Variants in NRXN3 observed in about 807,000 individuals in gnomAD.
NRXN3 encodes neurexin III.
Under a neutral mutation model 137.6 loss-of-function variants are expected in NRXN3, and 32 were observed. The ratio of observed to expected loss-of-function variants is 0.23; its 90% CI spans 0.18 to 0.31. The LOEUF (loss-of-function observed/expected upper bound fraction) is 0.31, where lower values mean the gene tolerates loss of function less well. Among genes scored for constraint, NRXN3 ranks in the 10% least tolerant of loss-of-function variants. The pLI is 1.00. For synonymous variants in NRXN3, 798 were observed against 784.5 expected (o/e 1.02, Z -0.29); for missense variants, 1,574 against 2,062.5 (o/e 0.76, Z 4.59).
At chr14:78,709,909 A>G in intron 7 of NRXN3, 1 of 471,122 alleles carries the variant, frequency 2.1e-6, no homozygotes, top group Non-Finnish European at 3.8e-6. Flanking sequence ...GGAGCTAAGG[A>G]TGGTTTTACA....
intron 15 of NRXN3, among the ~76,000 whole-genome samples, chr14:79,287,923 C>G (rs960566894): frequency 6.6e-6 from 1 of 152,114 alleles, no homozygotes; most frequent in African/African-American, 2.4e-5. Context: ...GGAAAACTTT[C>G]CTTTTCATAT....
chr14:79,457,302 C>T (rs140330099), intron 15 of NRXN3, among the ~76,000 whole-genome samples: 1 of 152,212 alleles, frequency 6.6e-6, no homozygotes, highest in Non-Finnish European at 1.5e-5. Context: ...AACAAATAAA[C>T]TTGAGGCAGA....
chr14:79,623,019 T>C (rs908639575), intron 16 of NRXN3, among the ~76,000 whole-genome samples: 9 of 152,282 alleles, frequency 5.9e-5, no homozygotes, highest in Non-Finnish European at 1.3e-4. Flanking sequence ...TAAGTGATAT[T>C]GGCAAATACT....
chr14:78,225,978 T>TGTGTGTTG (rs2064558017), intron 1 of NRXN3, among the ~76,000 whole-genome samples: 2 of 123,916 alleles, frequency 1.6e-5, no homozygotes, highest in Admixed American at 7.9e-5. Context: ...TGTGTTGGTG[T>TGTGTGTTG]GTGTGTGTGT....
intron 4 of NRXN3, among the ~76,000 whole-genome samples, chr14:78,460,877 A>G (rs1453079052): frequency 6.6e-6 from 1 of 152,050 alleles, no homozygotes; most frequent in African/African-American, 2.4e-5. Context: ...AGGAGTACCC[A>G]TTCTGCCTGC....
At position 78,193,995 on chromosome 14, in the gene NRXN3, C is replaced by T. The variant is rs144584898; in HGVS notation, c.-704+23321C>T. ...GCTGGCTGCTAGGCTAACTCTCCCC[C>T]TCTGCATCTGGACTCTGGCCCATAG... On this transcript the variant is annotated intron_variant, in intron 1 of 20. Transcript: ENST00000335750. 6.0e-4 allele frequency among the ~76,000 whole-genome samples: 91 copies of T among 152,304 alleles called. 2 individuals carry two copies. In the East Asian group the frequency reaches 0.017, roughly 28 times the overall value.
intron 15 of NRXN3, among the ~76,000 whole-genome samples, chr14:79,455,843 A>T (rs1425667671): frequency 4.0e-5 from 6 of 151,846 alleles, no homozygotes; most frequent in Admixed American, 1.3e-4. Flanking sequence ...ATTATTTCAA[A>T]TATTATCGGG....
intron 20 of NRXN3, among the ~76,000 whole-genome samples, chr14:79,858,083 C>T (rs2141888754): frequency 6.6e-6 from 1 of 151,050 alleles, no homozygotes; most frequent in East Asian, 1.9e-4. Flanking sequence ...TTTAGAAGCT[C>T]TTTATAAATT....
At chr14:79,033,425 C>T (rs1002255272) in intron 15 of NRXN3, among the ~76,000 whole-genome samples, 1 of 152,080 alleles carries the variant, frequency 6.6e-6, no homozygotes, top group African/African-American at 2.4e-5. Flanking sequence ...GCTCATATTA[C>T]CAAATATCTG....
In NRXN3 at chr14:79,598,413, C is replaced by T. The variant is rs557489966; in HGVS notation, c.3445-65365C>T. 5.9e-5 allele frequency among the ~76,000 whole-genome samples: 9 copies of T among 152,270 alleles called. No individual in the cohort carries two copies. The South Asian group carries it at 8.3e-4, about 14-fold the overall frequency. On this transcript the variant is annotated intron_variant, in intron 16 of 20. Coordinates refer to ENST00000335750, the MANE Select transcript of NRXN3 (RefSeq NM_001330195.2). The stretch of plus-strand genomic sequence containing the variant: ...GATAACCTGTTTTGTGCTCTAATCA[C>T]CCAGTCTTCTACCAGAGGTTGAAGT...
intron 15 of NRXN3, among the ~76,000 whole-genome samples, chr14:79,212,278 C>T (rs1486565219): frequency 6.6e-6 from 1 of 152,140 alleles, no homozygotes; most frequent in Non-Finnish European, 1.5e-5. Flanking sequence ...AGGACAAATC[C>T]CCTTGTCTGT....
chr14:79,650,593 C>T (rs1171344710), intron 16 of NRXN3, among the ~76,000 whole-genome samples: 2 of 152,104 alleles, frequency 1.3e-5, no homozygotes, highest in African/African-American at 4.8e-5. Flanking sequence ...TGCAGTTGCC[C>T]TATGCACCAC....
intron 10 of NRXN3, among the ~76,000 whole-genome samples, chr14:78,946,188 G>A (rs555928491): frequency 9.9e-5 from 15 of 152,240 alleles, no homozygotes; most frequent in Admixed American, 8.5e-4. Flanking sequence ...TATTATTAAC[G>A]GGGTCTTGTG....
intron 4 of NRXN3, among the ~76,000 whole-genome samples, chr14:78,528,404 C>G (rs942067816): frequency 6.6e-6 from 1 of 152,064 alleles, no homozygotes; most frequent in African/African-American, 2.4e-5. Flanking sequence ...AATGTGAACC[C>G]CCACCTGACG....
rs115957145 is a variant in NRXN3 at position 78,428,248 on chromosome 14, G to C, written c.757+130388G>C. 6.3e-3 allele frequency among the ~76,000 whole-genome samples: 957 copies of C among 152,206 alleles called. 9 individuals carry two copies. The highest frequency in any genetic ancestry group is 0.022 in the African/African-American group (901 of 41,538). On this transcript the variant is annotated intron_variant, in intron 4 of 20. Coordinates refer to ENST00000335750, the MANE Select transcript of NRXN3 (RefSeq NM_001330195.2). ...GGTAGCCACTCAATAATCAGTTTCT[G>C]TTCCCTTGTTAAAGGTCACATCAGT...
chr14:79,088,412 G>A (rs569413781), intron 15 of NRXN3, among the ~76,000 whole-genome samples: 4 of 149,544 alleles, frequency 2.7e-5, no homozygotes, highest in Non-Finnish European at 5.9e-5. Flanking sequence ...TCTAAACTTA[G>A]CCCAGACAGA....
chr14:79,621,572 A>G (rs528477491), intron 16 of NRXN3, among the ~76,000 whole-genome samples: 1 of 152,306 alleles, frequency 6.6e-6, no homozygotes, highest in Non-Finnish European at 1.5e-5. Context: ...TCTTGACTCA[A>G]ACCTGAAGGG....
chr14:79,824,425 T>G (rs576001246), intron 20 of NRXN3, among the ~76,000 whole-genome samples: 20 of 152,296 alleles, frequency 1.3e-4, no homozygotes, highest in African/African-American at 4.3e-4. Context: ...ACGTGCATCT[T>G]ACGACTATAG....
intron 1 of NRXN3, among the ~76,000 whole-genome samples, chr14:78,224,505 TA>T (rs1318866096): frequency 2.0e-5 from 3 of 151,908 alleles, no homozygotes; most frequent in Middle Eastern, 6.8e-3. Flanking sequence ...AATTCCCACC[TA>T]TGAGTGAGAA....
Sources: allele counts gnomAD v4.1 joint callset (sites outside exome capture counted in the v4.1 genomes callset), GRCh38; gene constraint gnomAD v4.1.1; transcripts MANE v1.5; gene names NCBI Gene and HGNC (gene_info 2026-07-23, HGNC 2026-07-21).